Variants in MDN1 observed in about 807,000 individuals in gnomAD.
MDN1 encodes midasin AAA ATPase 1, also known as midasin.
A neutral mutation model predicts 669.2 loss-of-function variants in MDN1; 266 were observed. The observed-to-expected ratio is 0.40, with a 90% CI of 0.36 to 0.44. MDN1 has a LOEUF of 0.44. MDN1 is among the 20% of genes least tolerant of loss of function. The probability of loss-of-function intolerance (pLI) is 1.00; values close to 1 mark genes in which losing one functional copy is unlikely to be tolerated. For synonymous variants in MDN1, 2,385 were observed against 2,457.1 expected, an observed-to-expected ratio of 0.97 and a Z score of 0.87; for missense variants, 5,940 against 6,754.0, an observed-to-expected ratio of 0.88 and a Z score of 4.22.
chr6:89,743,705 T>C lies in MDN1; in HGVS notation c.4188A>G (p.Lys1396=), dbSNP rs771136024. The C allele has an allele frequency of 1.4e-5, 22 of 1,613,916 alleles. No individual in the cohort carries two copies. The South Asian group carries it at 2.2e-4, about 16-fold the overall frequency. The change falls in exon 30 of 102, where the codon AAA becomes AAG. Residue 1396 remains lysine, a synonymous_variant. Coordinates refer to ENST00000369393, the MANE Select transcript of MDN1 (RefSeq NM_014611.3). ...VLLVGDTGCG[K]TTICQVFAAL... is the part of the protein sequence containing the mutation. ...CTGCAAATACCTGACAGATAGTAGT[T>C]TTCCCACACCTGTTAGAGATGTGCA...
chr6:89,774,644 T>C lies in MDN1; in HGVS notation c.1911A>G (p.Gln637=). Residue 637 remains glutamine, a synonymous_variant, in exon 13 of 102, where the codon CAA becomes CAG. Coordinates refer to ENST00000369393, the MANE Select transcript of MDN1 (RefSeq NM_014611.3). ...ACCTCTGTAGGTGAACAGCCTCACT[T>C]TGTTTCCGTAGAAGCCGCACTCGAC... The part of the protein sequence containing the change: ...QVGRVRLLRK[Q]SEAVHLQREK... 1 of 1,613,570 alleles carries C rather than the reference T, an allele frequency of 6.2e-7. No homozygotes were observed. The highest frequency in any genetic ancestry group is 8.5e-7 in the Non-Finnish European group (1 of 1,179,560).
Position 89,803,319 on chromosome 6 carries a change from G to C in MDN1, c.329+9C>G, listed in dbSNP as rs777611380. 6.2e-7 allele frequency: 1 copy of C among 1,607,904 alleles called. No individual in the cohort carries two copies. On this transcript the variant is annotated intron_variant, in intron 2 of 101. Transcript: ENST00000369393. ...AAGGAGAAATGCGAATAATAAAATT[G>C]CTACTCACGGGAGGACATCAGGATG...
At chr6:89,746,593 CAAAAAA>C (rs34446722) in intron 27 of MDN1, among the ~76,000 whole-genome samples, 104 of 65,568 alleles carry the variant, frequency 1.6e-3, no homozygotes, top group Non-Finnish European at 2.4e-3. Flanking sequence ...GACTCTATCT[CAAAAAA>C]AAAAAAAAAA....
Position 89,662,890 on chromosome 6 carries a change from C to T in MDN1, c.14314G>A (p.Asp4772Asn), listed in dbSNP as rs373924943. The change falls in exon 86 of 102, where the codon GAC (aspartate) becomes AAC (asparagine). Residue 4772 changes from aspartate (D) to asparagine (N), a missense_variant. By Grantham distance (23) the Asp-to-Asn change is conservative. Transcript: ENST00000369393. ...HMGDLNGEEADKLDERLWGDD... is the reference protein window; with the variant it reads ...HMGDLNGEEANKLDERLWGDD... ...CCCCAAAGCCTCTCATCTAGTTTGT[C>T]AGCTTCCTCACCATTGAGATCGCCC... is the stretch of plus-strand genomic sequence containing the variant. 4 of 1,613,982 alleles carry T rather than the reference C, an allele frequency of 2.5e-6. No homozygotes were observed. The highest frequency in any genetic ancestry group is 2.2e-5 in the South Asian group (2 of 91,088).
intron 33 of MDN1, among the ~76,000 whole-genome samples, chr6:89,736,917 T>C (rs1461212298): frequency 6.6e-6 from 1 of 152,180 alleles, no homozygotes; most frequent in Non-Finnish European, 1.5e-5. Context: ...GCCTGGGCCT[T>C]AGACCAGTAT....
intron 83 of MDN1, among the ~76,000 whole-genome samples, chr6:89,669,428 G>A (rs1310845659): frequency 1.3e-5 from 2 of 152,066 alleles, no homozygotes; most frequent in Admixed American, 6.6e-5. Context: ...CATTACTACA[G>A]ATAAACATAT....
At chr6:89,732,257 TAAA>T (rs754583172) in intron 34 of MDN1, among the ~76,000 whole-genome samples, 3 of 132,834 alleles carry the variant, frequency 2.3e-5, no homozygotes, top group Admixed American at 7.6e-5. Context: ...GAACTTAATT[TAAA>T]AAAAAAAAAA....
intron 43 of MDN1, 62 bp downstream of exon 43, chr6:89,718,304 G>A (rs905271233): frequency 2.4e-5 from 35 of 1,468,706 alleles, no homozygotes; most frequent in South Asian, 1.7e-4. Flanking sequence ...AATCTATTAC[G>A]TGTAAATGGA....
chr6:89,681,733 C>G (rs1180767358), intron 73 of MDN1, among the ~76,000 whole-genome samples: 1 of 152,104 alleles, frequency 6.6e-6, no homozygotes, highest in Non-Finnish European at 1.5e-5. Context: ...ACTAAAATAA[C>G]AAAAATAGCT....
chr6:89,749,210 T>A lies in MDN1; in HGVS notation c.3762+13A>T. 6.2e-7 allele frequency: 1 copy of A among 1,612,816 alleles called. No homozygotes were observed. Among genetic ancestry groups the A allele is most frequent in the Non-Finnish European group, 8.5e-7 (1 of 1,179,302 alleles). On this transcript the variant is annotated intron_variant, in intron 26 of 101. Transcript: ENST00000369393. ...CCAAGTATAATCAATACATTCCATT[T>A]GAAACTAAGTACCTGAAGATCCAGC...
intron 29 of MDN1, 104 bp downstream of exon 29, chr6:89,745,165 AGGAG>A: frequency 1.0e-6 from 1 of 984,574 alleles, no homozygotes; most frequent in East Asian, 3.9e-5. Flanking sequence ...AAAAAGAGGA[AGGAG>A]GAAAGAAGGG....
intron 11 of MDN1, among the ~76,000 whole-genome samples, chr6:89,778,914 A>ATAAATAAG (rs1818489606): frequency 6.8e-6 from 1 of 147,602 alleles, no homozygotes; most frequent in Non-Finnish European, 1.5e-5. Flanking sequence ...AAATAAATAA[A>ATAAATAAG]TAAATAAATA....
At chr6:89,665,811 G>A (rs1352653762) in intron 84 of MDN1, among the ~76,000 whole-genome samples, 1 of 152,052 alleles carries the variant, frequency 6.6e-6, no homozygotes, top group Non-Finnish European at 1.5e-5. Flanking sequence ...AGGCTGAGGC[G>A]GGCAGATCAC....
In MDN1 at chr6:89,794,157, T is replaced by C. The variant is rs769710436; in HGVS notation, c.605A>G (p.Lys202Arg). The C allele has an allele frequency of 1.6e-5, 25 of 1,603,922 alleles. No individual in the cohort carries two copies. The highest frequency in any genetic ancestry group is 2.0e-5 in the Non-Finnish European group (24 of 1,177,268). The change falls in exon 4 of 102, where the codon AAG becomes AGG. Residue 202 changes from lysine (K) to arginine (R), a missense_variant. Transcript: ENST00000369393. ...ALVTCMNEEH[K>R]LSFLKKIFNS... The stretch of plus-strand genomic sequence containing the variant: ...AAATATCTTCTTAAGAAATGATAAC[T>C]TGTGCTCTTCATTCATACAGGTAAC...
chr6:89,787,729 T>C (rs6923604), intron 8 of MDN1, 125 bp downstream of exon 8: 315,792 of 629,316 alleles, frequency 0.5, 81,935 homozygotes, highest in East Asian at 0.73. Flanking sequence ...TTAGACCTGT[T>C]ATCACTTCCA....
intron 47 of MDN1, 113 bp from the exon 48 acceptor site, chr6:89,712,899 C>T (rs1814050157): frequency 3.2e-6 from 3 of 951,372 alleles, no homozygotes; most frequent in East Asian, 2.6e-5. Flanking sequence ...TTTTAATACA[C>T]TCTTCAATGA....
In MDN1 at chr6:89,756,310, C is replaced by T; in HGVS notation, c.2783G>A (p.Ser928Asn). 6.3e-7 allele frequency: 1 copy of T among 1,598,906 alleles called. No individual in the cohort carries two copies. The highest frequency in any genetic ancestry group is 8.5e-7 in the Non-Finnish European group (1 of 1,171,726). The change falls in exon 20 of 102, where the codon AGT becomes AAT. Residue 928 changes from serine (S) to asparagine (N), a missense_variant. By Grantham distance (46) the Ser-to-Asn change is conservative. Around this residue, in one of 5 missense-constraint regions of MDN1, gnomAD observed 1,203 missense variants for 1,268.9 expected, o/e 0.95. Coordinates refer to ENST00000369393, the MANE Select transcript of MDN1 (RefSeq NM_014611.3). ...VLIVDYLKGLSVNKNTVQGII... is the reference protein window; with the variant it reads ...VLIVDYLKGLNVNKNTVQGII... Reference sequence around the variant, plus strand: ...TCCTTGCACTGTATTCTTGTTCACACTCAATCCTTTCAGATAATCTACAAT... The same window carrying T: ...TCCTTGCACTGTATTCTTGTTCACATTCAATCCTTTCAGATAATCTACAAT...
At chr6:89,713,105 A>T (rs1481827146) in intron 47 of MDN1, 43 bp downstream of exon 47, 1 of 1,580,770 alleles carries the variant, frequency 6.3e-7, no homozygotes, top group Non-Finnish European at 8.6e-7. Context: ...TCAAGAATGT[A>T]GGGTATTACA....
In MDN1 at chr6:89,700,176, G is replaced by A; in HGVS notation, c.8757C>T (p.Thr2919=). The A allele has an allele frequency of 1.2e-6, 2 of 1,614,170 alleles. No homozygotes were observed. The highest frequency in any genetic ancestry group is 8.5e-7 in the Non-Finnish European group (1 of 1,180,022). Residue 2919 remains threonine, a synonymous_variant, in exon 57 of 102, where the codon ACC becomes ACT. Coordinates refer to ENST00000369393, the MANE Select transcript of MDN1 (RefSeq NM_014611.3). The stretch of plus-strand genomic sequence containing the variant: ...CACTCCTGGTGAGGTGGATTACGGA[G>A]GTCAAGTCTGGATGGGACAGGGAGG... ...EASSLSHPDL[T]SVIHLTRSVQ...
Sources: allele counts gnomAD v4.1 joint callset (sites outside exome capture counted in the v4.1 genomes callset), GRCh38; gene constraint gnomAD v4.1.1; regional missense constraint gnomAD v4.1.1; transcripts MANE v1.5; gene names NCBI Gene and HGNC (gene_info 2026-07-23, HGNC 2026-07-21).